Variants in ADCY2 observed in about 807,000 individuals in gnomAD.
The protein encoded by ADCY2 is adenylate cyclase type 2.
In ADCY2, 31 loss-of-function variants were observed where a neutral mutation model predicts 125.2. That is an observed-to-expected ratio of 0.25 (90% confidence interval 0.19 to 0.33). ADCY2 has a LOEUF of 0.33. Among genes scored for constraint, ADCY2 ranks in the 10% least tolerant of loss-of-function variants. The pLI is 1.00. For missense variants in ADCY2, 904 were observed against 1,418.2 expected (o/e 0.64, Z 5.82); for synonymous variants, 512 against 548.4 (o/e 0.93, Z 0.93).
chr5:7,729,906 T>G (rs181115444), intron 14 of ADCY2, among the ~76,000 whole-genome samples: 1 of 151,578 alleles, frequency 6.6e-6, no homozygotes, highest in African/African-American at 2.4e-5. Context: ...GTCAATATCT[T>G]TTGGGATAGA....
At chr5:7,791,428 C>T (rs1455394131) in intron 20 of ADCY2, among the ~76,000 whole-genome samples, 1 of 152,062 alleles carries the variant, frequency 6.6e-6, no homozygotes, top group Non-Finnish European at 1.5e-5. Context: ...TTTTCTGTAG[C>T]GGATTTGAAG....
intron 3 of ADCY2, among the ~76,000 whole-genome samples, chr5:7,622,562 G>A (rs138604739): frequency 3.2e-4 from 48 of 152,314 alleles, no homozygotes; most frequent in African/African-American, 1.1e-3. Context: ...TTTGTTGGAA[G>A]CAATGCAGCA....
chr5:7,741,657 T>TATC (rs763572185), intron 14 of ADCY2, among the ~76,000 whole-genome samples: 1 of 15,000 alleles, frequency 6.7e-5, no homozygotes, highest in African/African-American at 2.5e-4. Context: ...CCATCCTCAT[T>TATC]ATCATCATCA....
In ADCY2 at chr5:7,788,682, A is replaced by G. The variant is rs1033474115; in HGVS notation, c.2470-960A>G. Among the ~76,000 whole-genome samples, 6 of 152,284 alleles carry G rather than the reference A, an allele frequency of 3.9e-5. No individual in the cohort carries two copies. In the East Asian group the frequency reaches 5.8e-4, roughly 15 times the overall value. Reference sequence around the variant, plus strand: ...AAATTTTTTTAATTCCCATTTGTGCATGAGAGGCCATCTGTGTGCATGTGT... The same window carrying G: ...AAATTTTTTTAATTCCCATTTGTGCGTGAGAGGCCATCTGTGTGCATGTGT... On this transcript the variant is annotated intron_variant, in intron 19 of 24. Transcript: ENST00000338316.
At chr5:7,465,322 T>C (rs1742075041) in intron 2 of ADCY2, among the ~76,000 whole-genome samples, 1 of 152,208 alleles carries the variant, frequency 6.6e-6, no homozygotes, top group Admixed American at 6.5e-5. Context: ...CCTGAGTCTT[T>C]TTTCTCATGT....
At chr5:7,512,239 A>AAAAAAAAAAAAAAAAAAAAAAC (rs1744094854) in intron 2 of ADCY2, among the ~76,000 whole-genome samples, 1 of 150,994 alleles carries the variant, frequency 6.6e-6, no homozygotes, top group African/African-American at 2.4e-5. Flanking sequence ...AAAAAAAAAA[A>AAAAAAAAAAAAAAAAAAAAAAC]AGAAAACCAT....
intron 2 of ADCY2, among the ~76,000 whole-genome samples, chr5:7,462,793 G>A (rs975257068): frequency 3.3e-5 from 5 of 152,244 alleles, no homozygotes; most frequent in Admixed American, 6.5e-5. Context: ...ATTTGATCAC[G>A]TGTGTGGGTT....
At chr5:7,475,242 C>G (rs936864810) in intron 2 of ADCY2, among the ~76,000 whole-genome samples, 60 of 152,162 alleles carry the variant, frequency 3.9e-4, no homozygotes, top group African/African-American at 1.4e-3. Context: ...AAGAGAAAAT[C>G]CCAAGTGGGC....
chr5:7,601,626 A>G (rs1737207055), intron 3 of ADCY2, among the ~76,000 whole-genome samples: 1 of 152,168 alleles, frequency 6.6e-6, no homozygotes. Flanking sequence ...TCACTCATTT[A>G]ATGAATGAGA....
Position 7,695,839 on chromosome 5 carries a change from T to C in ADCY2, c.957T>C (p.Phe319=), listed in dbSNP as rs1473645159. Residue 319 remains phenylalanine (F), a synonymous_variant, in exon 6 of 25, where the codon TTT becomes TTC. Transcript: ENST00000338316. ...GELVHMLNEL[F]GKFDQIAKEN... is the part of the protein sequence containing the mutation. Reference sequence around the variant, plus strand: ...TAGTCCACATGCTGAATGAGCTCTTTGGAAAGTTTGATCAAATTGCAAAGG... The same window carrying C: ...TAGTCCACATGCTGAATGAGCTCTTCGGAAAGTTTGATCAAATTGCAAAGG... The C allele has an allele frequency of 1.2e-6, 2 of 1,611,860 alleles. No homozygotes were observed. Among genetic ancestry groups the C allele is most frequent in the Non-Finnish European group, 1.7e-6 (2 of 1,178,808 alleles).
At chr5:7,511,741 A>G (rs1449416561) in intron 2 of ADCY2, among the ~76,000 whole-genome samples, 1 of 152,016 alleles carries the variant, frequency 6.6e-6, no homozygotes, top group African/African-American at 2.4e-5. Flanking sequence ...TTGGGGCAGA[A>G]AAACAACCAC....
At chr5:7,426,774 C>A (rs1740403425) in intron 2 of ADCY2, among the ~76,000 whole-genome samples, 1 of 152,144 alleles carries the variant, frequency 6.6e-6, no homozygotes, top group Non-Finnish European at 1.5e-5. Context: ...GAGCTGCCAG[C>A]ACTGGCTTCC....
At chr5:7,741,608 TCACCATCAC>T (rs1560930507) in intron 14 of ADCY2, among the ~76,000 whole-genome samples, 1 of 35,384 alleles carries the variant, frequency 2.8e-5, no homozygotes, top group Non-Finnish European at 6.2e-5. Flanking sequence ...ATCACCATCA[TCACCATCAC>T]CATCATTATC....
chr5:7,421,854 A>G (rs1360047254), intron 2 of ADCY2, among the ~76,000 whole-genome samples: 2 of 152,214 alleles, frequency 1.3e-5, no homozygotes, highest in African/African-American at 2.4e-5. Context: ...GGTTTTTGCC[A>G]TTATACAAAC....
chr5:7,544,370 G>A (rs2126564969), intron 3 of ADCY2, among the ~76,000 whole-genome samples: 1 of 152,284 alleles, frequency 6.6e-6, no homozygotes, highest in Non-Finnish European at 1.5e-5. Flanking sequence ...GGTTCCTTCT[G>A]GAGACTTTAT....
intron 20 of ADCY2, chr5:7,796,611 A>G (rs1485228787): frequency 6.6e-6 from 1 of 152,210 alleles, no homozygotes; most frequent in Non-Finnish European, 1.5e-5. Context: ...TTGTGTCTAC[A>G]CTGGCTTTGC....
At chr5:7,776,135 A>T (rs1743717610) in intron 18 of ADCY2, among the ~76,000 whole-genome samples, 1 of 147,642 alleles carries the variant, frequency 6.8e-6, no homozygotes, top group African/African-American at 2.5e-5. Context: ...CAGTTTTCTC[A>T]TCCTTTGCCT....
chr5:7,533,518 C>T (rs1191712377), intron 3 of ADCY2, among the ~76,000 whole-genome samples: 1 of 151,764 alleles, frequency 6.6e-6, no homozygotes, highest in African/African-American at 2.4e-5. Flanking sequence ...CTCTTTTGTT[C>T]TGTATTTCTA....
At chr5:7,669,743 C>A (rs1579298189) in intron 4 of ADCY2, among the ~76,000 whole-genome samples, 1 of 152,190 alleles carries the variant, frequency 6.6e-6, no homozygotes, top group African/African-American at 2.4e-5. Flanking sequence ...ATCCTAATCA[C>A]ACAGGTCAAA....
Sources: gnomAD v4.1 joint callset for allele counts (sites outside exome capture counted in the v4.1 genomes callset) on GRCh38, gnomAD v4.1.1 for gene constraint, MANE v1.5 for transcripts, NCBI Gene and HGNC (gene_info 2026-07-23, HGNC 2026-07-21) for gene names.